KAT6B: variants seen among roughly 807,000 people sequenced by gnomAD.
KAT6B encodes histone acetyltransferase KAT6B.
KAT6B carries 10 observed loss-of-function variants against 187.5 expected under a neutral mutation model. That is an observed-to-expected ratio of 0.05 (90% CI 0.03 to 0.09). The LOEUF is 0.09. Ranked by LOEUF, KAT6B falls within the 10% of genes least tolerant of loss-of-function variation. KAT6B has a pLI of 1.00. For missense variants in KAT6B, 1,952 were observed against 2,558.9 expected, an observed-to-expected ratio of 0.76 and a Z score of 5.12; for synonymous variants, 861 against 926.8, an observed-to-expected ratio of 0.93 and a Z score of 1.29.
At chr10:74,977,566 T>A in intron 9 of KAT6B, 129 bp downstream of exon 9, 1 of 1,167,866 alleles carries the variant, frequency 8.6e-7, no homozygotes, top group Non-Finnish European at 1.3e-6. Context: ...GCCGTTATCA[T>A]GCCCATTTCT....
At chr10:74,872,606 A>G (rs1844075749) in intron 3 of KAT6B, among the ~76,000 whole-genome samples, 1 of 151,942 alleles carries the variant, frequency 6.6e-6, no homozygotes, top group South Asian at 2.1e-4. Context: ...TTGAACTCCT[A>G]AGCTCAAGCG....
rs962191951 is a variant in KAT6B, at chr10:75,015,536, C to T, written c.2630-5046C>T. Reference sequence around the variant, plus strand: ...ATTCATCCAGTTGGTCAGTGCTGCTCTGCACCAGAAACCAGGAACAGATGA... The same window carrying T: ...ATTCATCCAGTTGGTCAGTGCTGCTTTGCACCAGAAACCAGGAACAGATGA... On this transcript the variant is annotated intron_variant, in intron 13 of 17. Coordinates refer to ENST00000287239, the MANE Select transcript of KAT6B (RefSeq NM_012330.4). Among the ~76,000 whole-genome samples, 3 of 152,318 alleles carry T rather than the reference C, an allele frequency of 2.0e-5. No individual in the cohort carries two copies. In the East Asian group the frequency reaches 5.8e-4, roughly 29 times the overall value.
chr10:74,915,782 G>A (rs1206696273), intron 3 of KAT6B, among the ~76,000 whole-genome samples: 1 of 152,210 alleles, frequency 6.6e-6, no homozygotes, highest in East Asian at 1.9e-4. Flanking sequence ...GAAATCCACA[G>A]CTCCCATATT....
intron 3 of KAT6B, among the ~76,000 whole-genome samples, chr10:74,883,804 A>G (rs1845039629): frequency 6.6e-6 from 1 of 152,086 alleles, no homozygotes; most frequent in Admixed American, 6.6e-5. Context: ...ATCCTCATCC[A>G]ATTCTGTTTT....
At chr10:74,863,857 C>G (rs1163515380) in intron 3 of KAT6B, among the ~76,000 whole-genome samples, 2 of 152,164 alleles carry the variant, frequency 1.3e-5, no homozygotes, top group East Asian at 3.8e-4. Context: ...TATTCTTACG[C>G]TGTTGTTTCT....
At chr10:74,847,898 C>CT (rs961491643) in intron 3 of KAT6B, among the ~76,000 whole-genome samples, 6 of 145,452 alleles carry the variant, frequency 4.1e-5, no homozygotes, top group South Asian at 2.2e-4. Flanking sequence ...CCATGTTTTT[C>CT]TTTTTTTTTC....
At chr10:75,008,767 T>A (rs1385224232) in intron 13 of KAT6B, among the ~76,000 whole-genome samples, 1 of 152,222 alleles carries the variant, frequency 6.6e-6, no homozygotes, top group Non-Finnish European at 1.5e-5. Context: ...ATAATTTATA[T>A]AAATCTTCCT....
At chr10:75,002,345 T>TTC (rs576632421) in intron 13 of KAT6B, among the ~76,000 whole-genome samples, 3 of 151,242 alleles carry the variant, frequency 2.0e-5, no homozygotes, top group South Asian at 4.2e-4. Context: ...TTATTTAGTT[T>TTC]TCTCTCTCTC....
chr10:74,879,859 C>T (rs1844721984), intron 3 of KAT6B, among the ~76,000 whole-genome samples: 1 of 152,114 alleles, frequency 6.6e-6, no homozygotes, highest in Non-Finnish European at 1.5e-5. Flanking sequence ...CTTTGGGAGG[C>T]CAAAGCTGGC....
intron 13 of KAT6B, among the ~76,000 whole-genome samples, chr10:74,994,523 C>T (rs1843299003): frequency 6.6e-6 from 1 of 152,080 alleles, no homozygotes; most frequent in African/African-American, 2.4e-5. Context: ...TGGCTCATGC[C>T]TGTAATCCCA....
chr10:75,024,684 C>T (rs1361567027), intron 16 of KAT6B, among the ~76,000 whole-genome samples: 3 of 152,172 alleles, frequency 2.0e-5, no homozygotes, highest in Non-Finnish European at 4.4e-5. Context: ...AAAAGCAAAG[C>T]TTAGTTTTTA....
At chr10:75,022,276 C>A in intron 16 of KAT6B, 45 bp downstream of exon 16, 1 of 1,603,204 alleles carries the variant, frequency 6.2e-7, no homozygotes. Context: ...TCAATCAAAT[C>A]TTATTTGTCA....
chr10:74,863,651 A>G (rs763956192), intron 3 of KAT6B, among the ~76,000 whole-genome samples: 1 of 152,242 alleles, frequency 6.6e-6, no homozygotes, highest in Non-Finnish European at 1.5e-5. Flanking sequence ...AGTAGAGGGA[A>G]GAATGGATCC....
At chr10:74,910,590 G>C (rs1485903966) in intron 3 of KAT6B, among the ~76,000 whole-genome samples, 1 of 151,238 alleles carries the variant, frequency 6.6e-6, no homozygotes, top group Non-Finnish European at 1.5e-5. Context: ...TTAATTTCCT[G>C]AGTTTTCTTC....
intron 13 of KAT6B, among the ~76,000 whole-genome samples, chr10:75,020,002 T>C (rs549784481): frequency 6.6e-6 from 1 of 152,210 alleles, no homozygotes; most frequent in Admixed American, 6.5e-5. Flanking sequence ...CTGATGGGAG[T>C]TGCAGCAGTT....
At chr10:74,956,473 G>A (rs976751491) in intron 3 of KAT6B, among the ~76,000 whole-genome samples, 1 of 152,122 alleles carries the variant, frequency 6.6e-6, no homozygotes, top group Non-Finnish European at 1.5e-5. Context: ...ATTGGTCATG[G>A]GAGAAATTGT....
At chr10:75,019,574 A>C (rs1262024845) in intron 13 of KAT6B, among the ~76,000 whole-genome samples, 2 of 152,152 alleles carry the variant, frequency 1.3e-5, no homozygotes, top group Non-Finnish European at 2.9e-5. Flanking sequence ...GCTGCCACCT[A>C]CTGTATGTGG....
At chr10:74,859,031 C>T (rs1842995075) in intron 3 of KAT6B, among the ~76,000 whole-genome samples, 1 of 152,122 alleles carries the variant, frequency 6.6e-6, no homozygotes, top group African/African-American at 2.4e-5. Context: ...GCCAGTGTGC[C>T]CTGCCTTTGA....
intron 3 of KAT6B, among the ~76,000 whole-genome samples, chr10:74,896,482 G>A (rs575967614): frequency 6.6e-6 from 1 of 152,062 alleles, no homozygotes; most frequent in Non-Finnish European, 1.5e-5. Flanking sequence ...TAGAGATGGG[G>A]TTTCACTATT....
Sources: allele counts gnomAD v4.1 joint callset (sites outside exome capture counted in the v4.1 genomes callset), GRCh38; gene constraint gnomAD v4.1.1; transcripts MANE v1.5; gene names NCBI Gene and HGNC (gene_info 2026-07-23, HGNC 2026-07-21).